Variants in ZNF536 observed in about 807,000 individuals in gnomAD.
ZNF536 encodes zinc finger protein 536.
ZNF536 carries 13 observed loss-of-function variants against 84.5 expected under a neutral mutation model. The ratio of observed to expected loss-of-function variants is 0.15; its 90% CI spans 0.10 to 0.24. ZNF536 has a LOEUF of 0.24. Ranked by LOEUF, ZNF536 falls within the 10% of genes least tolerant of loss-of-function variation. The pLI, the probability that ZNF536 is intolerant of heterozygous loss-of-function variation, is 1.00. For synonymous variants in ZNF536, 811 were observed against 742.5 expected (o/e 1.09, Z -1.50); for missense variants, 1,536 against 1,747.5 (o/e 0.88, Z 2.16).
intron 2 of ZNF536, among the ~76,000 whole-genome samples, chr19:30,334,540 GC>G (rs2047317917): frequency 6.6e-6 from 1 of 152,134 alleles, no homozygotes; most frequent in Admixed American, 6.5e-5. Flanking sequence ...ATCGCTGGGA[GC>G]CCACATTTTC....
intron 1 of ZNF536, among the ~76,000 whole-genome samples, chr19:30,596,869 A>T (rs1005044310): frequency 2.3e-4 from 35 of 151,920 alleles, no homozygotes; most frequent in African/African-American, 8.2e-4. Context: ...AAAAAAAAAA[A>T]AAGTCCTTCC....
At chr19:30,557,007 C>T in intron 4 of ZNF536, 150 bp from the exon 5 acceptor site, 1 of 815,224 alleles carries the variant, frequency 1.2e-6, no homozygotes, top group Non-Finnish European at 2.0e-6. Flanking sequence ...CTTGCTTTAG[C>T]CAGAGACAGA....
Position 30,267,123 on chromosome 19 carries a change from C to T in ZNF536, c.-189-16949C>T, listed in dbSNP as rs997612378. ...TAGAAAATGAATTACATTGGACTATCGGAGGCAAGAAATATTTTTGTGAAA... is the reference window on the plus strand; with the variant it reads ...TAGAAAATGAATTACATTGGACTATTGGAGGCAAGAAATATTTTTGTGAAA... On this transcript the variant is annotated intron_variant, in intron 1 of 5. Transcript: ENST00000585628. 4.6e-5 allele frequency among the ~76,000 whole-genome samples: 7 copies of T among 152,256 alleles called. 1 individual carries two copies. The East Asian group carries it at 9.6e-4, about 21-fold the overall frequency.
intron 1 of ZNF536, among the ~76,000 whole-genome samples, chr19:30,275,205 G>A (rs574790026): frequency 1.6e-4 from 25 of 152,154 alleles, no homozygotes; most frequent in Admixed American, 3.3e-4. Context: ...CCTGAGTGTG[G>A]TTAGGCTCTG....
intron 1 of ZNF536, among the ~76,000 whole-genome samples, chr19:30,404,318 G>A (rs1239577511): frequency 6.6e-6 from 1 of 151,256 alleles, no homozygotes; most frequent in African/African-American, 2.4e-5. Flanking sequence ...GCAGGCCAGA[G>A]GGGGACACTG....
At position 30,445,439 on chromosome 19, in the gene ZNF536, T is replaced by A. The variant is rs1435084787; in HGVS notation, c.1877T>A (p.Met626Lys). Residue 626 changes from methionine to lysine, a missense_variant, in exon 2 of 5, where the codon ATG becomes AAG. By Grantham distance (95) the Met-to-Lys change is moderately conservative. Around this residue, in one of 8 missense-constraint regions of ZNF536, gnomAD observed 366 missense variants for 364.4 expected, o/e 1.00. Coordinates refer to ENST00000355537, the MANE Select transcript of ZNF536 (RefSeq NM_014717.3). This position sits in a 1 kb window ranked among gnomAD's most constrained non-coding sequence, Gnocchi z 4.5. The part of the protein sequence containing the change: ...LEYNLQGPGN[M>K]KEKPTECPDC... Reference sequence around the variant, plus strand: ...TATAACCTGCAGGGTCCTGGGAACATGAAGGAGAAGCCCACCGAGTGCCCC... The same window carrying A: ...TATAACCTGCAGGGTCCTGGGAACAAGAAGGAGAAGCCCACCGAGTGCCCC... 6.2e-7 allele frequency: 1 copy of A among 1,613,942 alleles called. No individual in the cohort carries two copies.
At chr19:30,327,785 C>G (rs9653126) in intron 2 of ZNF536, among the ~76,000 whole-genome samples, 5,959 of 152,294 alleles carry the variant, frequency 0.039, 158 homozygotes, top group South Asian at 0.059. Context: ...GGTGTTCATC[C>G]CTCTCACCTC....
At chr19:30,239,067 G>A (rs1315120551) in intron 1 of ZNF536, among the ~76,000 whole-genome samples, 1 of 152,120 alleles carries the variant, frequency 6.6e-6, no homozygotes, top group Non-Finnish European at 1.5e-5. Context: ...TTCTGGGCTG[G>A]CTTTCCCTCA....
rs967036995 is a variant in ZNF536 at position 30,575,213 on chromosome 19, C to T, written c.169+25699C>T. On this transcript the variant is annotated intron_variant, in intron 1 of 1. Transcript: ENST00000592773. ...CCAGGCACTCTTCTCAACATTAGGG[C>T]ATGGAAATGCACAAAAACAGCCAGA... is the stretch of plus-strand genomic sequence containing the variant. Among the ~76,000 whole-genome samples the T allele has an allele frequency of 1.4e-4, 21 of 152,242 alleles. 1 individual carries two copies. Among genetic ancestry groups the T allele is most frequent in the African/African-American group, 4.6e-4 (19 of 41,464 alleles).
chr19:30,421,385 T>A (rs1373575005), intron 1 of ZNF536, among the ~76,000 whole-genome samples: 1 of 152,022 alleles, frequency 6.6e-6, no homozygotes, highest in Non-Finnish European at 1.5e-5. Flanking sequence ...CGACTTCATT[T>A]TTTTTAAATT....
downstream of ZNF536, among the ~76,000 whole-genome samples, chr19:30,561,648 G>A (rs1013191030): frequency 6.6e-5 from 10 of 152,168 alleles, no homozygotes; most frequent in African/African-American, 2.2e-4. Flanking sequence ...CAGCCCCTTT[G>A]GGGGTCCTCT....
chr19:30,342,989 G>C (rs946542229), intron 2 of ZNF536, among the ~76,000 whole-genome samples: 1 of 152,316 alleles, frequency 6.6e-6, no homozygotes, highest in South Asian at 2.1e-4. Context: ...GCTGTCATTA[G>C]CCACTTCCAC....
intron 1 of ZNF536, among the ~76,000 whole-genome samples, chr19:30,603,634 G>A (rs952463997): frequency 3.3e-5 from 5 of 152,070 alleles, no homozygotes; most frequent in African/African-American, 9.7e-5. Context: ...CAAGGAGGGG[G>A]CACCAATCTT....
chr19:30,611,886 G>A (rs1240823518), intron 1 of ZNF536, among the ~76,000 whole-genome samples: 1 of 152,172 alleles, frequency 6.6e-6, no homozygotes, highest in Non-Finnish European at 1.5e-5. Flanking sequence ...GTGCCCTTTG[G>A]ACTTGGTTTT....
intron 1 of ZNF536, among the ~76,000 whole-genome samples, chr19:30,384,145 TTTC>T (rs1364762774): frequency 8.4e-6 from 1 of 118,954 alleles, no homozygotes; most frequent in African/African-American, 3.3e-5. Flanking sequence ...TCTTTCTTTC[TTTC>T]TTTCTTTCTT....
chr19:30,311,670 C>G (rs1401197626), intron 2 of ZNF536, among the ~76,000 whole-genome samples: 1 of 152,096 alleles, frequency 6.6e-6, no homozygotes, highest in South Asian at 2.1e-4. Flanking sequence ...CAGCCTGATA[C>G]CTGCCCAACT....
chr19:30,273,757 T>G (rs116890339), intron 1 of ZNF536, among the ~76,000 whole-genome samples: 115 of 152,382 alleles, frequency 7.5e-4, no homozygotes, highest in Non-Finnish European at 1.4e-3. Context: ...CCAGTGGCTT[T>G]TATTTTTATG....
chr19:30,403,366 A>G (rs944366804), intron 1 of ZNF536, among the ~76,000 whole-genome samples: 6 of 152,234 alleles, frequency 3.9e-5, no homozygotes, highest in Non-Finnish European at 7.3e-5. Flanking sequence ...CCCTGAAAAA[A>G]TGCTGAAAGG....
rs1475684963 is a variant in ZNF536, at chr19:30,534,809, T to C, written c.2171-38T>C. The C allele has an allele frequency of 4.4e-6, 7 of 1,582,718 alleles. No individual in the cohort carries two copies. In the South Asian group the frequency reaches 7.1e-5, roughly 16 times the overall value. On this transcript the variant is annotated intron_variant, in intron 2 of 4. Transcript: ENST00000355537. ...TTTGGTGCGAACAACTCCTGACATG[T>C]GCTGAAGTGATGTGAGAACGTTTCT...
Sources: gnomAD v4.1 joint callset for allele counts (sites outside exome capture counted in the v4.1 genomes callset) on GRCh38, gnomAD v4.1.1 for gene constraint, gnomAD v4.1.1 regional missense constraint, Gnocchi (gnomAD v3.1) non-coding constraint, MANE v1.5 for transcripts, NCBI Gene and HGNC (gene_info 2026-07-23, HGNC 2026-07-21) for gene names.